The following WLS variants were observed in gnomAD, a reference collection of about 807,000 sequenced individuals.
The protein encoded by WLS is Wnt ligand secretion mediator, also known as protein wntless homolog.
A neutral mutation model predicts 62.8 loss-of-function variants in WLS; 23 were observed. The observed-to-expected ratio is 0.37, with a 90% CI of 0.26 to 0.52. WLS has a LOEUF of 0.52. Ranked by LOEUF, WLS falls within the 20% of genes least tolerant of loss-of-function variation. WLS has a pLI of 0.92. For missense variants in WLS, 615 were observed against 697.3 expected (o/e 0.88, Z 1.33); for synonymous variants, 246 against 244.1 (o/e 1.01, Z -0.07).
intron 2 of WLS, among the ~76,000 whole-genome samples, chr1:68,171,087 C>T (rs1430511702): frequency 1.4e-5 from 2 of 144,276 alleles, no homozygotes; most frequent in African/African-American, 5.1e-5. Context: ...AACCCCTGCA[C>T]ACACACCCCT....
downstream of WLS, among the ~76,000 whole-genome samples, chr1:68,124,274 A>G (rs550456291): frequency 2.6e-5 from 4 of 152,274 alleles, no homozygotes; most frequent in South Asian, 8.3e-4. Context: ...TTTTCTGCCT[A>G]ATATCTGAGG....
chr1:68,143,413 A>G (rs1210631767), intron 10 of WLS, among the ~76,000 whole-genome samples: 1 of 152,226 alleles, frequency 6.6e-6, no homozygotes, highest in Non-Finnish European at 1.5e-5. Flanking sequence ...TCATGCTTAC[A>G]ATGTGCCAGG....
chr1:68,157,801 T>C (rs1479640284), intron 3 of WLS, among the ~76,000 whole-genome samples: 1 of 152,044 alleles, frequency 6.6e-6, no homozygotes, highest in Non-Finnish European at 1.5e-5. Context: ...CAAACACCCT[T>C]CCCCCTCGCT....
intron 6 of WLS, 100 bp downstream of exon 6, chr1:68,150,088 C>T: frequency 7.8e-7 from 1 of 1,277,470 alleles, no homozygotes; most frequent in Non-Finnish European, 1.1e-6. Context: ...TTTATTCTGT[C>T]TCACCCACTG....
intron 2 of WLS, among the ~76,000 whole-genome samples, chr1:68,179,539 A>G (rs1446318983): frequency 6.6e-6 from 1 of 152,146 alleles, no homozygotes; most frequent in African/African-American, 2.4e-5. Flanking sequence ...ACGTTGTCTT[A>G]ATTAGCGAAC....
chr1:68,175,457 A>T (rs2100552263), intron 2 of WLS, among the ~76,000 whole-genome samples: 1 of 152,346 alleles, frequency 6.6e-6, no homozygotes. Context: ...TCTTGCTCTA[A>T]AAAGGCCACT....
intron 1 of WLS, among the ~76,000 whole-genome samples, chr1:68,225,764 C>A (rs1242053460): frequency 6.6e-6 from 1 of 152,128 alleles, no homozygotes; most frequent in Non-Finnish European, 1.5e-5. Context: ...CCATCACTAC[C>A]AACCTACACC....
chr1:68,227,037 C>G (rs1334730899), intron 1 of WLS, among the ~76,000 whole-genome samples: 1 of 152,122 alleles, frequency 6.6e-6, no homozygotes, highest in Non-Finnish European at 1.5e-5. Flanking sequence ...ATGTTTCTCA[C>G]TGTAACAGGA....
At chr1:68,224,873 G>A (rs1432409790) in intron 1 of WLS, among the ~76,000 whole-genome samples, 1 of 152,134 alleles carries the variant, frequency 6.6e-6, no homozygotes, top group African/African-American at 2.4e-5. Context: ...AAGGACAATG[G>A]GAGGAAGGTA....
chr1:68,098,669 T>C, exon 12 of WLS: 1 of 1,614,060 alleles, frequency 6.2e-7, no homozygotes, highest in Middle Eastern at 1.7e-4. Flanking sequence ...GATGAAGGAA[T>C]ATTTCGAAGC....
chr1:68,227,476 TAGTTA>T (rs954305114), intron 1 of WLS, among the ~76,000 whole-genome samples: 2 of 150,282 alleles, frequency 1.3e-5, no homozygotes, highest in African/African-American at 4.9e-5. Context: ...AAGAACCAAA[TAGTTA>T]AGTTTTTTTT....
intron 11 of WLS, among the ~76,000 whole-genome samples, chr1:68,104,149 A>G (rs891081858): frequency 1.3e-5 from 2 of 152,030 alleles, no homozygotes; most frequent in African/African-American, 4.8e-5. Flanking sequence ...TTAAGAATAA[A>G]ATGCACAGCT....
At chr1:68,165,233 G>A (rs1457901390) in intron 2 of WLS, among the ~76,000 whole-genome samples, 1 of 152,148 alleles carries the variant, frequency 6.6e-6, no homozygotes, top group African/African-American at 2.4e-5. Flanking sequence ...AGGGTTCAGA[G>A]CAACACTAGC....
At chr1:68,162,325 A>G in intron 2 of WLS, 1 of 1,613,706 alleles carries the variant, frequency 6.2e-7, no homozygotes, top group Non-Finnish European at 8.5e-7. Context: ...CTTTATGGTA[A>G]AGTCATTGAT....
intron 1 of WLS, among the ~76,000 whole-genome samples, chr1:68,216,775 A>G (rs1453801087): frequency 1.3e-5 from 2 of 152,204 alleles, no homozygotes; most frequent in Admixed American, 1.3e-4. Context: ...CATATTATTT[A>G]ATTCAAGCCG....
chr1:68,111,853 T>C (rs1646232788), intron 11 of WLS, among the ~76,000 whole-genome samples: 1 of 152,124 alleles, frequency 6.6e-6, no homozygotes, highest in South Asian at 2.1e-4. Context: ...AGAAGAAGAT[T>C]TAGTTGAATT....
chr1:68,129,450 A>G (rs1570846081), intron 11 of WLS, among the ~76,000 whole-genome samples: 1 of 152,264 alleles, frequency 6.6e-6, no homozygotes. Flanking sequence ...TTATAAATTT[A>G]TGAGTATTGG....
At chr1:68,164,112 T>C (rs991474986) in intron 2 of WLS, among the ~76,000 whole-genome samples, 1 of 152,216 alleles carries the variant, frequency 6.6e-6, no homozygotes, top group Admixed American at 6.5e-5. Context: ...TTCCTATTTT[T>C]ATCCTCAGTT....
intron 11 of WLS, among the ~76,000 whole-genome samples, chr1:68,107,628 A>AGGG (rs796270151): frequency 3.3e-5 from 5 of 152,206 alleles, no homozygotes; most frequent in African/African-American, 1.2e-4. Flanking sequence ...CTGAGAGAGA[A>AGGG]GGGGGAAAAA....
Sources: gnomAD v4.1 joint callset for allele counts (sites outside exome capture counted in the v4.1 genomes callset) on GRCh38, gnomAD v4.1.1 for gene constraint, MANE v1.5 for transcripts, NCBI Gene and HGNC (gene_info 2026-07-23, HGNC 2026-07-21) for gene names.